BTBD3: variants seen among roughly 807,000 people sequenced by gnomAD.
BTBD3 encodes the protein BTB/POZ domain-containing protein 3.
In BTBD3, 14 loss-of-function variants were observed where a neutral mutation model predicts 41.6. That is an observed-to-expected ratio of 0.34 (90% CI 0.22 to 0.53). BTBD3 has a LOEUF of 0.53. BTBD3 is among the 20% of genes least tolerant of loss of function. BTBD3 has a pLI of 0.95. For synonymous variants in BTBD3, 249 were observed against 233.7 expected, an observed-to-expected ratio of 1.07 and a Z score of -0.60; for missense variants, 426 against 654.7, an observed-to-expected ratio of 0.65 and a Z score of 3.81.
At chr20:11,919,565 C>A in intron 2 of BTBD3, 153 bp from the exon 3 acceptor site, 3 of 1,115,598 alleles carry the variant, frequency 2.7e-6, no homozygotes, top group Non-Finnish European at 3.8e-6. Flanking sequence ...GCTTCCATGG[C>A]AAGCTACCCT....
chr20:11,904,510 C>G (rs937081404), intron 1 of BTBD3, among the ~76,000 whole-genome samples: 2 of 152,094 alleles, frequency 1.3e-5, no homozygotes, highest in Admixed American at 6.5e-5. Flanking sequence ...ATTACGCTTA[C>G]GATAAAATCC....
In BTBD3 at chr20:11,925,447, A is replaced by G. The variant is rs1159343981; in HGVS notation, c.*1781A>G. On this transcript the variant is annotated 3_prime_UTR_variant, in exon 4 of 4. Transcript: ENST00000378226. ...ACACTGGATTATTGGAAATGTTTTA[A>G]TCACTCTTGCCATTACCTACATCTA... The G allele has an allele frequency of 1.3e-5, 2 of 152,652 alleles. No individual in the cohort carries two copies. Among genetic ancestry groups the G allele is most frequent in the African/African-American group, 2.4e-5 (1 of 41,458 alleles). 9.5% of individuals were successfully genotyped at this position (152,652 alleles called of 1,614,324 possible).
chr20:11,892,941 C>A (rs1187232500), intron 1 of BTBD3, among the ~76,000 whole-genome samples: 3 of 152,100 alleles, frequency 2.0e-5, no homozygotes, highest in Admixed American at 2.0e-4. Flanking sequence ...ACATTCTTTA[C>A]AAAATGTTAA....
chr20:11,893,610 C>T (rs936669719), intron 1 of BTBD3, among the ~76,000 whole-genome samples: 5 of 152,154 alleles, frequency 3.3e-5, no homozygotes, highest in African/African-American at 1.2e-4. Flanking sequence ...GTACATTTAT[C>T]GACATGTCCT....
chr20:11,918,713 G>A, intron 1 of BTBD3, 112 bp downstream of exon 1: 1 of 1,186,744 alleles, frequency 8.4e-7, no homozygotes, highest in South Asian at 1.7e-5. Context: ...TTTCCCAGAA[G>A]CTTTTTATTG....
chr20:11,905,484 C>T lies in BTBD3; in HGVS notation c.-125-12850C>T, dbSNP rs6040981. On this transcript the variant is annotated intron_variant, in intron 1 of 4. Coordinates refer to the BTBD3 transcript ENST00000254977. ...CAATAATTTTTACTATTGCATCTCCCAGAGATTCCCCATGAAACAATACAT... is the reference window on the plus strand; with the variant it reads ...CAATAATTTTTACTATTGCATCTCCTAGAGATTCCCCATGAAACAATACAT... 1.0e-3 allele frequency among the ~76,000 whole-genome samples: 152 copies of T among 152,330 alleles called. 1 individual carries two copies. The highest frequency in any genetic ancestry group is 3.2e-3 in the African/African-American group (131 of 41,566).
At chr20:11,919,496 T>C in intron 2 of BTBD3, 2 of 1,263,680 alleles carry the variant, frequency 1.6e-6, no homozygotes, top group South Asian at 3.3e-5. Context: ...TATTTAGTAA[T>C]GAGGGGACAT....
At chr20:11,904,509 AC>A (rs747108198) in intron 1 of BTBD3, among the ~76,000 whole-genome samples, 2 of 152,296 alleles carry the variant, frequency 1.3e-5, no homozygotes, top group Non-Finnish European at 2.9e-5. Flanking sequence ...AATTACGCTT[AC>A]GATAAAATCC....
At chr20:11,903,161 T>TAGG (rs1162087820) in intron 1 of BTBD3, among the ~76,000 whole-genome samples, 1 of 152,166 alleles carries the variant, frequency 6.6e-6, no homozygotes, top group East Asian at 1.9e-4. Flanking sequence ...ATTTAGTATA[T>TAGG]AGGAAGATTT....
chr20:11,918,577 G>A lies in BTBD3; in HGVS notation c.302G>A (p.Gly101Asp). 6.2e-7 allele frequency: 1 copy of A among 1,609,034 alleles called. No individual in the cohort carries two copies. The highest frequency in any genetic ancestry group is 8.5e-7 in the Non-Finnish European group (1 of 1,178,196). Reference sequence around the variant, plus strand: ...CTTATCCCGGCCCCAAACTGGCAGGGTCTTTATCCCACCATTAGAGAGAGG... The same window carrying A: ...CTTATCCCGGCCCCAAACTGGCAGGATCTTTATCCCACCATTAGAGAGAGG... ...NNLIPAPNWQ[G>D]LYPTIRERNA... The change falls in exon 1 of 4, where the codon GGT (glycine) becomes GAT (aspartate). Residue 101 changes from glycine to aspartate, a missense_variant. Transcript: ENST00000378226.
At chr20:11,901,629 T>G (rs2122200112) in intron 1 of BTBD3, among the ~76,000 whole-genome samples, 1 of 152,354 alleles carries the variant, frequency 6.6e-6, no homozygotes, top group African/African-American at 2.4e-5. Flanking sequence ...AATGTTTTAT[T>G]ACTTTATTAG....
intron 1 of BTBD3, among the ~76,000 whole-genome samples, chr20:11,892,321 T>C (rs914025265): frequency 2.6e-5 from 4 of 152,116 alleles, no homozygotes; most frequent in African/African-American, 9.7e-5. Flanking sequence ...CCTACCTCAG[T>C]CCCCTACTCA....
chr20:11,911,578 G>GA (rs201482646), intron 1 of BTBD3, among the ~76,000 whole-genome samples: 2,312 of 151,682 alleles, frequency 0.015, 56 homozygotes, highest in African/African-American at 0.053. Context: ...AAAAATTGCA[G>GA]AAAAAAAAAA....
At chr20:11,921,679 C>T (rs1321754938) in intron 3 of BTBD3, 2 of 152,210 alleles carry the variant, frequency 1.3e-5, no homozygotes, top group Non-Finnish European at 2.9e-5. Context: ...TTCATTTGTG[C>T]TCGTGGACAT....
chr20:11,895,366 G>A (rs1392606311), intron 1 of BTBD3, among the ~76,000 whole-genome samples: 3 of 152,134 alleles, frequency 2.0e-5, no homozygotes, highest in Non-Finnish European at 4.4e-5. Flanking sequence ...TAAAAGTCTA[G>A]GAGGCTTATT....
At chr20:11,898,848 A>T (rs2056806572) in intron 1 of BTBD3, among the ~76,000 whole-genome samples, 1 of 152,208 alleles carries the variant, frequency 6.6e-6, no homozygotes, top group South Asian at 2.1e-4. Flanking sequence ...TCTGTAAAGT[A>T]CTAATGGATA....
chr20:11,892,292 G>T (rs994893888), intron 1 of BTBD3, among the ~76,000 whole-genome samples: 1 of 146,366 alleles, frequency 6.8e-6, no homozygotes, highest in Non-Finnish European at 1.5e-5. Context: ...CCAGCCAAGG[G>T]CTTTCCCCTT....
At chr20:11,917,736 A>G (rs2056927686), upstream of BTBD3, 1 of 159,334 alleles carries the variant, frequency 6.3e-6, no homozygotes, top group Non-Finnish European at 1.3e-5. Flanking sequence ...AGAAAATGCA[A>G]CTGCTGTTCC....
chr20:11,896,931 T>C (rs2056790538), intron 1 of BTBD3, among the ~76,000 whole-genome samples: 1 of 152,338 alleles, frequency 6.6e-6, no homozygotes, highest in African/African-American at 2.4e-5. Context: ...CAAGCAAATA[T>C]TCCAAGTTAT....
Sources: allele counts gnomAD v4.1 joint callset (sites outside exome capture counted in the v4.1 genomes callset), GRCh38; gene constraint gnomAD v4.1.1; transcripts MANE v1.5; gene names NCBI Gene and HGNC (gene_info 2026-07-23, HGNC 2026-07-21).